Variants in ARHGAP22 observed in about 807,000 individuals in gnomAD.
The protein encoded by ARHGAP22 is rho GTPase-activating protein 22.
In ARHGAP22, 48 loss-of-function variants were observed where a neutral mutation model predicts 59.1. That is an observed-to-expected ratio of 0.81 (90% CI 0.64 to 1.03). The LOEUF (loss-of-function observed/expected upper bound fraction) is 1.03. Ranked by LOEUF, ARHGAP22 falls within the 50% of genes least tolerant of loss-of-function variation. The pLI is 0.00. For synonymous variants in ARHGAP22, 445 were observed against 416.4 expected (o/e 1.07, Z -0.84); for missense variants, 1,015 against 958.7 (o/e 1.06, Z -0.78).
At chr10:48,573,649 A>G (rs1194189856) in intron 2 of ARHGAP22, among the ~76,000 whole-genome samples, 1 of 152,216 alleles carries the variant, frequency 6.6e-6, no homozygotes, top group African/African-American at 2.4e-5. Flanking sequence ...TTCATTTCAG[A>G]ACCCATTCTA....
In ARHGAP22 at chr10:48,555,481, G is replaced by C. The variant is rs2057238595; in HGVS notation, c.304C>G (p.Leu102Val). 4 of 1,614,138 alleles carry C rather than the reference G, an allele frequency of 2.5e-6. No homozygotes were observed. Among genetic ancestry groups the C allele is most frequent in the Non-Finnish European group, 2.5e-6 (3 of 1,180,002 alleles). ...PPGPEDPGKH[L>V]FEISPGGAGE... ...GGCCTACCTGGGCTGATCTCAAAGA[G>C]GTGCTTCCCTGGGTCCTCGGGGCCA... Residue 102 changes from leucine to valine, a missense_variant, in exon 3 of 10, where the codon CTC becomes GTC. Physicochemically the swap from Leu to Val is conservative, Grantham distance 32. Transcript: ENST00000249601.
At chr10:48,506,367 G>A (rs1477837624) in intron 3 of ARHGAP22, among the ~76,000 whole-genome samples, 1 of 152,212 alleles carries the variant, frequency 6.6e-6, no homozygotes, top group Non-Finnish European at 1.5e-5. Context: ...ATGAGACTGT[G>A]TGGAATACTG....
At chr10:48,655,024 TTCTTTCA>T, upstream of ARHGAP22, among the ~76,000 whole-genome samples, 1 of 60,012 alleles carries the variant, frequency 1.7e-5, no homozygotes, top group Non-Finnish European at 3.5e-5. Context: ...CTTTCTTTCT[TTCTTTCA>T]TTCTTTCTTT....
At chr10:48,476,485 G>T (rs1472964310) in intron 4 of ARHGAP22, among the ~76,000 whole-genome samples, 1 of 152,192 alleles carries the variant, frequency 6.6e-6, no homozygotes, top group African/African-American at 2.4e-5. Flanking sequence ...CCTTCCCAGG[G>T]GATGCAAGCT....
chr10:48,567,864 A>C (rs1303682933), intron 2 of ARHGAP22, among the ~76,000 whole-genome samples: 1 of 152,138 alleles, frequency 6.6e-6, no homozygotes, highest in Non-Finnish European at 1.5e-5. Flanking sequence ...CTGGGATCTC[A>C]AGGACATTTA....
intron 9 of ARHGAP22, 96 bp downstream of exon 9, chr10:48,450,165 G>A: frequency 6.7e-7 from 1 of 1,486,312 alleles, no homozygotes; most frequent in Non-Finnish European, 9.0e-7. Context: ...AGGGCCAGCG[G>A]CCCAGAGGTT....
rs530180423 is a variant in ARHGAP22, at chr10:48,588,641, A to C, written c.35-5489T>G. 7.2e-5 allele frequency among the ~76,000 whole-genome samples: 11 copies of C among 152,272 alleles called. No homozygotes were observed. In the South Asian group the frequency reaches 1.7e-3, roughly 23 times the overall value. ...GCCCTTCACCCTCCACCCTTCCCAAAGGTGGCTCTTCCATGCACACGCAGG... is the reference window on the plus strand; with the variant it reads ...GCCCTTCACCCTCCACCCTTCCCAACGGTGGCTCTTCCATGCACACGCAGG... On this transcript the variant is annotated intron_variant, in intron 1 of 9. Transcript: ENST00000249601.
intron 3 of ARHGAP22, among the ~76,000 whole-genome samples, chr10:48,524,710 G>A (rs541681932): frequency 1.3e-5 from 2 of 152,284 alleles, no homozygotes; most frequent in East Asian, 3.9e-4. Flanking sequence ...GTAGTAGGAA[G>A]AGGGAGTGTT....
rs141947668 is a variant in ARHGAP22, at chr10:48,455,077, G to A, written c.717C>T (p.Pro239=). ...SLLKLYLREL[P]EPVVPFARYE... is the part of the protein sequence containing the mutation. ...ACCTGGCGAAGGGGACCACGGGCTCGGGGAGCTCCCGCAGGTACAGCTTCA... is the reference window on the plus strand; with the variant it reads ...ACCTGGCGAAGGGGACCACGGGCTCAGGGAGCTCCCGCAGGTACAGCTTCA... The change falls in exon 6 of 10, where the codon CCC becomes CCT. Residue 239 remains proline, a synonymous_variant. Coordinates refer to ENST00000249601, the MANE Select transcript of ARHGAP22 (RefSeq NM_021226.4). The A allele has an allele frequency of 6.3e-5, 101 of 1,612,330 alleles. No homozygotes were observed. In the African/African-American group the frequency reaches 9.5e-4, roughly 15 times the overall value.
chr10:48,434,769 T>G, the ARHGAP22 span: 1 of 787,508 alleles, frequency 1.3e-6, no homozygotes, highest in Non-Finnish European at 1.9e-6. Context: ...TTATTTTTAG[T>G]GAGCCTTCGA....
intron 1 of ARHGAP22, among the ~76,000 whole-genome samples, chr10:48,597,028 A>G (rs1363183852): frequency 2.6e-5 from 4 of 152,146 alleles, no homozygotes; most frequent in Non-Finnish European, 5.9e-5. Context: ...TTGAAGCATC[A>G]GTGTCAGTGC....
chr10:48,576,902 T>TGC (rs2058745563), intron 2 of ARHGAP22, among the ~76,000 whole-genome samples: 1 of 141,354 alleles, frequency 7.1e-6, no homozygotes, highest in Non-Finnish European at 1.5e-5. Context: ...CACTCACCCA[T>TGC]CCCTCCCCAC....
chr10:48,625,837 C>T (rs965577272), intron 1 of ARHGAP22, among the ~76,000 whole-genome samples: 1 of 152,116 alleles, frequency 6.6e-6, no homozygotes, highest in East Asian at 1.9e-4. Context: ...GATCTCTGCT[C>T]CACACATATC....
rs377495248 is a variant in ARHGAP22, at chr10:48,450,794, G to T, written c.1335C>A (p.Gly445=). 2 of 1,570,796 alleles carry T rather than the reference G, an allele frequency of 1.3e-6. No individual in the cohort carries two copies. The highest frequency in any genetic ancestry group is 1.7e-6 in the Non-Finnish European group (2 of 1,158,788). ...TGATGGGCACCTCCAGGGATGAGCCGCCCCCCTTCGGGCTTCCCGATAGGG... is the reference window on the plus strand; with the variant it reads ...TGATGGGCACCTCCAGGGATGAGCCTCCCCCCTTCGGGCTTCCCGATAGGG... ...PRSLSGSPKG[G]GSSLEVPIIS... is the part of the protein sequence containing the mutation. Residue 445 remains glycine, a synonymous_variant, in exon 9 of 10, where the codon GGC becomes GGA. Coordinates refer to ENST00000249601, the MANE Select transcript of ARHGAP22 (RefSeq NM_021226.4).
At chr10:48,586,278 G>A (rs1223096403) in intron 1 of ARHGAP22, among the ~76,000 whole-genome samples, 1 of 152,190 alleles carries the variant, frequency 6.6e-6, no homozygotes, top group Non-Finnish European at 1.5e-5. Context: ...ATCACTGCCA[G>A]CTCTGTGAAC....
the ARHGAP22 span, among the ~76,000 whole-genome samples, chr10:48,432,539 T>TAC: frequency 6.6e-6 from 1 of 152,158 alleles, no homozygotes; most frequent in African/African-American, 2.4e-5. Flanking sequence ...ATAAATGCTT[T>TAC]GTGTAATTAA....
At chr10:48,574,546 A>G (rs1044256985) in intron 2 of ARHGAP22, among the ~76,000 whole-genome samples, 4 of 152,248 alleles carry the variant, frequency 2.6e-5, no homozygotes, top group Non-Finnish European at 4.4e-5. Flanking sequence ...AGCTGGGTGG[A>G]GGTTATGAGG....
chr10:48,525,893 G>A (rs541613016), intron 3 of ARHGAP22, among the ~76,000 whole-genome samples: 5 of 152,306 alleles, frequency 3.3e-5, no homozygotes, highest in African/African-American at 1.2e-4. Flanking sequence ...GCCTCATTCT[G>A]TAAAAGGAAA....
intron 1 of ARHGAP22, among the ~76,000 whole-genome samples, chr10:48,618,961 C>A (rs573010294): frequency 1.3e-5 from 2 of 152,076 alleles, no homozygotes; most frequent in East Asian, 3.9e-4. Flanking sequence ...CCTAAAAGCC[C>A]CACCAAAAAC....
Sources: allele counts gnomAD v4.1 joint callset (sites outside exome capture counted in the v4.1 genomes callset), GRCh38; gene constraint gnomAD v4.1.1; transcripts MANE v1.5; gene names NCBI Gene and HGNC (gene_info 2026-07-23, HGNC 2026-07-21).